Variants in CNTLN observed in about 807,000 individuals in gnomAD.
CNTLN encodes centlein, centrosomal protein.
In CNTLN, 212 loss-of-function variants were observed where a neutral mutation model predicts 180.0. The observed-to-expected ratio is 1.18, with a 90% CI of 1.05 to 1.32. CNTLN has a LOEUF of 1.32. CNTLN is among the 40% of genes most tolerant of loss of function. CNTLN has a pLI of 0.00. For synonymous variants in CNTLN, 722 were observed against 563.1 expected (o/e 1.28, Z -3.99); for missense variants, 2,095 against 1,610.9 (o/e 1.30, Z -5.14).
At chr9:17,267,697 T>C (rs968334362) in intron 5 of CNTLN, among the ~76,000 whole-genome samples, 3 of 152,222 alleles carry the variant, frequency 2.0e-5, no homozygotes, top group South Asian at 2.1e-4. Flanking sequence ...AGATTTGGTC[T>C]TTTCACATAG....
At chr9:17,352,717 G>C (rs1368473437) in intron 12 of CNTLN, among the ~76,000 whole-genome samples, 2 of 152,046 alleles carry the variant, frequency 1.3e-5, no homozygotes, top group African/African-American at 4.8e-5. Flanking sequence ...CTCCCCATTT[G>C]TCCCTTCTTT....
chr9:17,253,606 C>T (rs965466945), intron 5 of CNTLN, among the ~76,000 whole-genome samples: 1 of 151,228 alleles, frequency 6.6e-6, no homozygotes. Context: ...TTATTTTGTA[C>T]ATGATTTTGT....
intron 6 of CNTLN, among the ~76,000 whole-genome samples, chr9:17,287,793 G>A (rs7029640): frequency 0.17 from 23,367 of 139,956 alleles, 1,828 homozygotes; most frequent in African/African-American, 0.3. Context: ...GTTTATTTGC[G>A]TAGAGGTGTT....
intron 9 of CNTLN, 41 bp downstream of exon 9, chr9:17,330,849 G>T: frequency 1.3e-6 from 2 of 1,543,736 alleles, no homozygotes; most frequent in Non-Finnish European, 1.8e-6. Flanking sequence ...CCAGGATGAG[G>T]CTGGAAAGAC....
intron 15 of CNTLN, among the ~76,000 whole-genome samples, chr9:17,405,750 A>G (rs939547139): frequency 2.6e-5 from 4 of 151,704 alleles, no homozygotes; most frequent in South Asian, 2.1e-4. Flanking sequence ...AAATGTATGT[A>G]TCCATTCTAT....
chr9:17,395,181 T>A, intron 15 of CNTLN, 112 bp downstream of exon 15: 1 of 1,406,726 alleles, frequency 7.1e-7, no homozygotes, highest in Non-Finnish European at 9.4e-7. Flanking sequence ...GAAAAAATAC[T>A]GTCAGATCCT....
At chr9:17,465,848 C>T (rs1831714587) in intron 21 of CNTLN, 133 bp from the exon 22 acceptor site, 1 of 680,954 alleles carries the variant, frequency 1.5e-6, no homozygotes, top group African/African-American at 1.9e-5. Flanking sequence ...AAGTATAATA[C>T]TTGAATTTGA....
rs1256118220 is a variant in CNTLN at position 17,330,673 on chromosome 9, G to T, written c.1383G>T (p.Met461Ile). ...CCTTATCAAGCTTAGAAACGTTAAT[G>T]GTTTCACAGAAGTCTGAAATTGAGT... is the stretch of plus-strand genomic sequence containing the variant. ...RPSLSSLETL[M>I]VSQKSEIEYL... The change falls in exon 9 of 26, where the codon ATG becomes ATT. Residue 461 changes from methionine (M) to isoleucine (I), a missense_variant. Physicochemically the swap from Met to Ile is conservative, Grantham distance 10. Transcript: ENST00000380647. 3.1e-6 allele frequency: 5 copies of T among 1,609,840 alleles called. No homozygotes were observed. The highest frequency in any genetic ancestry group is 4.2e-6 in the Non-Finnish European group (5 of 1,177,782).
intron 6 of CNTLN, 27 bp from the exon 7 acceptor site, chr9:17,298,163 T>G: frequency 7.1e-7 from 1 of 1,400,420 alleles, no homozygotes; most frequent in Non-Finnish European, 9.3e-7. Context: ...TCCATACTTT[T>G]CTCTATTTAT....
chr9:17,216,684 A>G (rs1823776430), intron 2 of CNTLN, among the ~76,000 whole-genome samples: 1 of 152,130 alleles, frequency 6.6e-6, no homozygotes, highest in African/African-American at 2.4e-5. Flanking sequence ...CTATTTCTGT[A>G]AGTTTATGTT....
intron 15 of CNTLN, among the ~76,000 whole-genome samples, chr9:17,403,879 G>A (rs1208087997): frequency 6.6e-6 from 1 of 151,754 alleles, no homozygotes; most frequent in East Asian, 1.9e-4. Context: ...GGGTTCAAGC[G>A]ATTCTCGTGC....
intron 8 of CNTLN, among the ~76,000 whole-genome samples, chr9:17,316,861 A>G (rs978823783): frequency 6.6e-6 from 1 of 152,092 alleles, no homozygotes; most frequent in Non-Finnish European, 1.5e-5. Flanking sequence ...CAGCAATCTC[A>G]TAGAAATTCA....
intron 12 of CNTLN, among the ~76,000 whole-genome samples, chr9:17,354,150 C>G (rs1035849642): frequency 6.6e-6 from 1 of 152,174 alleles, no homozygotes; most frequent in African/African-American, 2.4e-5. Context: ...CAATTTCTCA[C>G]AGAGCCTTAG....
intron 2 of CNTLN, among the ~76,000 whole-genome samples, chr9:17,211,149 G>T (rs1208735045): frequency 6.6e-6 from 1 of 152,094 alleles, no homozygotes; most frequent in Admixed American, 6.6e-5. Context: ...GTCCTGAATG[G>T]TATTGCCTAG....
At chr9:17,226,177 A>T in intron 2 of CNTLN, 26 bp from the exon 3 acceptor site, 1 of 1,279,684 alleles carries the variant, frequency 7.8e-7, no homozygotes, top group Non-Finnish European at 1.1e-6. Flanking sequence ...GTTATGACTA[A>T]TAAACTCTCT....
chr9:17,269,118 C>A (rs535777140), intron 5 of CNTLN, among the ~76,000 whole-genome samples: 1 of 152,136 alleles, frequency 6.6e-6, no homozygotes, highest in Non-Finnish European at 1.5e-5. Context: ...AATCACCTGT[C>A]TTCTGCATCG....
chr9:17,382,171 A>T (rs1177545853), intron 13 of CNTLN, among the ~76,000 whole-genome samples: 2 of 152,218 alleles, frequency 1.3e-5, no homozygotes, highest in Admixed American at 1.3e-4. Flanking sequence ...GACCCAATCC[A>T]GAAATAAAGC....
chr9:17,171,271 T>C (rs1432905328), intron 2 of CNTLN, among the ~76,000 whole-genome samples: 1 of 152,198 alleles, frequency 6.6e-6, no homozygotes, highest in Non-Finnish European at 1.5e-5. Flanking sequence ...TCTGTGCATT[T>C]ATTGGAGCAG....
the CNTLN span, among the ~76,000 whole-genome samples, chr9:17,525,251 C>T: frequency 6.6e-6 from 1 of 151,836 alleles, no homozygotes; most frequent in African/African-American, 2.4e-5. Flanking sequence ...AAAAAAAAAC[C>T]TTTCAGTCAT....
Sources: gnomAD v4.1 joint callset for allele counts (sites outside exome capture counted in the v4.1 genomes callset) on GRCh38, gnomAD v4.1.1 for gene constraint, MANE v1.5 for transcripts, NCBI Gene and HGNC (gene_info 2026-07-23, HGNC 2026-07-21) for gene names.